MRPL28: variants seen among roughly 807,000 people sequenced by gnomAD.
MRPL28 encodes large ribosomal subunit protein bL28m.
Under a neutral mutation model 26.2 loss-of-function variants are expected in MRPL28, and 25 were observed. The ratio of observed to expected loss-of-function variants is 0.95; its 90% CI spans 0.69 to 1.33. MRPL28 has a LOEUF of 1.33. MRPL28 is among the 40% of genes most tolerant of loss of function. MRPL28 has a pLI of 0.00. For missense variants in MRPL28, 432 were observed against 327.2 expected, an observed-to-expected ratio of 1.32 and a Z score of -2.47; for synonymous variants, 227 against 140.1, an observed-to-expected ratio of 1.62 and a Z score of -4.38.
chr16:368,815 T>A, intron 3 of MRPL28, 180 bp from the exon 4 acceptor site: 1 of 1,107,290 alleles, frequency 9.0e-7, no homozygotes, highest in Non-Finnish European at 1.2e-6. Flanking sequence ...CAAGTCCAAG[T>A]GCAGGGAAAG....
Position 368,545 on chromosome 16 carries a change from G to A in MRPL28, c.532C>T (p.Pro178Ser), listed in dbSNP as rs781778168. ...RLARQDPQLH[P>S]EDPERRAAIY... ...GCTGCCCGCCGCTCGGGGTCCTCGGGGTGCAGCTGGGGGTCCTGCCGGGCA... is the reference window on the plus strand; with the variant it reads ...GCTGCCCGCCGCTCGGGGTCCTCGGAGTGCAGCTGGGGGTCCTGCCGGGCA... The change falls in exon 4 of 6, where the codon CCC becomes TCC. Residue 178 changes from proline to serine, a missense_variant. Physicochemically the swap from Pro to Ser is moderately conservative, Grantham distance 74. Coordinates refer to ENST00000199706, the MANE Select transcript of MRPL28 (RefSeq NM_006428.5). 2.5e-6 allele frequency: 4 copies of A among 1,596,098 alleles called. No individual in the cohort carries two copies. Among genetic ancestry groups the A allele is most frequent in the Non-Finnish European group, 3.4e-6 (4 of 1,169,024 alleles).
Position 370,060 on chromosome 16 carries a change from GT to G in MRPL28, c.158del (p.Asn53ThrfsTer49), listed in dbSNP as rs2054307277. On this transcript the variant is annotated frameshift_variant, in exon 2 of 6. Coordinates refer to ENST00000199706, the MANE Select transcript of MRPL28 (RefSeq NM_006428.5). LOFTEE classifies it high-confidence loss of function. ...CACGCTCCCGCTGCCCGTTCTTGGG[GT>G]TGATCTTGAACTTGGCCCCATGAGG... The part of the protein sequence containing the change: ...YRPHGAKFKI[N>X]PKNGQRERVE... The G allele has an allele frequency of 2.5e-6, 4 of 1,612,840 alleles. No individual in the cohort carries two copies. Among genetic ancestry groups the G allele is most frequent in the African/African-American group, 1.3e-5 (1 of 74,872 alleles).
intron 3 of MRPL28, 33 bp from the exon 4 acceptor site, chr16:368,668 G>A: frequency 6.6e-7 from 1 of 1,523,358 alleles, no homozygotes; most frequent in Non-Finnish European, 8.8e-7. Context: ...CCAGGTGCTG[G>A]TGGCAGGGCC....
At position 368,606 on chromosome 16, in the gene MRPL28, A is replaced by T. The variant is rs2054283782; in HGVS notation, c.471T>A (p.Phe157Leu). 1 of 1,583,036 alleles carries T rather than the reference A, an allele frequency of 6.3e-7. No homozygotes were observed. Among genetic ancestry groups the T allele is most frequent in the Non-Finnish European group, 8.6e-7 (1 of 1,161,338 alleles). Residue 157 changes from phenylalanine to leucine, a missense_variant, in exon 4 of 6, where the codon TTT becomes TTA. Transcript: ENST00000199706. ...KTPKEDLCSK[F>L]GMDLKRGMLL... is the part of the protein sequence containing the mutation. The stretch of plus-strand genomic sequence containing the variant: ...GCATCCCTCGCTTCAGGTCCATCCC[A>T]AACTTGGAGCACAGGTCCTCCTTCG...
At chr16:368,114 C>G (rs1164605746) in intron 5 of MRPL28, among the ~76,000 whole-genome samples, 1 of 152,232 alleles carries the variant, frequency 6.6e-6, no homozygotes, top group African/African-American at 2.4e-5. Context: ...GAACCCACTC[C>G]TCCTACTGAG....
intron 5 of MRPL28, 114 bp downstream of exon 5, chr16:368,214 C>G (rs2054278332): frequency 7.8e-7 from 1 of 1,279,306 alleles, no homozygotes; most frequent in Non-Finnish European, 1.1e-6. Flanking sequence ...AGCTCTTCCC[C>G]AAGCCCACCC....
chr16:367,354 C>A lies in MRPL28; in HGVS notation c.*321G>T. 1.5e-6 allele frequency: 1 copy of A among 647,404 alleles called. No individual in the cohort carries two copies. Among genetic ancestry groups the A allele is most frequent in the Non-Finnish European group, 2.9e-6 (1 of 344,584 alleles). 40.1% of individuals were successfully genotyped at this position (647,404 alleles called of 1,614,324 possible). A position where few individuals can be genotyped will look rare whatever the true frequency, so the allele number is the denominator to read the frequency against. On this transcript the variant is annotated 3_prime_UTR_variant, in exon 6 of 6. Transcript: ENST00000199706. ...GCAGGGGTGACAGGATCAGGATCCCCAAAGAGAACACCAGTCCTCAAAGCA... is the reference window on the plus strand; with the variant it reads ...GCAGGGGTGACAGGATCAGGATCCCAAAAGAGAACACCAGTCCTCAAAGCA...
In MRPL28 at chr16:370,497, A is replaced by C. The variant is rs1263179420; in HGVS notation, c.-8+2T>G. Reference sequence around the variant, plus strand: ...CCCCACACCCCACCTGCCCGCGCCCACCTTTCAGGGTTCAGAGCCCACCGG... The same window carrying C: ...CCCCACACCCCACCTGCCCGCGCCCCCCTTTCAGGGTTCAGAGCCCACCGG... On this transcript the variant is annotated splice_donor_variant, in intron 1 of 5. Transcript: ENST00000199706. LOFTEE classifies it low-confidence loss of function (5UTR_SPLICE). 1 of 825,836 alleles carries C rather than the reference A, an allele frequency of 1.2e-6. No homozygotes were observed. The highest frequency in any genetic ancestry group is 1.3e-6 in the Non-Finnish European group (1 of 753,622). 51.2% of individuals were successfully genotyped at this position (825,836 alleles called of 1,614,324 possible). A position where few individuals can be genotyped will look rare whatever the true frequency, so the allele number is the denominator to read the frequency against.
rs149440376 is a variant in MRPL28, at chr16:370,043, C to G, written c.176G>C (p.Arg59Pro). The change falls in exon 2 of 6, where the codon CGG becomes CCG. Residue 59 changes from arginine to proline, a missense_variant. Physicochemically the swap from Arg to Pro is moderately radical, Grantham distance 103. Transcript: ENST00000199706. ...AATGGGCACGTCCTCCACACGCTCC[C>G]GCTGCCCGTTCTTGGGGTTGATCTT... is the stretch of plus-strand genomic sequence containing the variant. ...KFKINPKNGQ[R>P]ERVEDVPIPI... 641 of 1,613,190 alleles carry G rather than the reference C, an allele frequency of 4.0e-4. No homozygotes were observed. Among genetic ancestry groups the G allele is most frequent in the Middle Eastern group, 2.6e-3 (16 of 6,056 alleles).
chr16:368,759 G>C (rs925652530), intron 3 of MRPL28, 124 bp from the exon 4 acceptor site: 67 of 1,433,256 alleles, frequency 4.7e-5, no homozygotes, highest in Non-Finnish European at 6.2e-5. Flanking sequence ...GGCCCGGGTG[G>C]GGCCGCCTCA....
intron 2 of MRPL28, 147 bp from the exon 3 acceptor site, chr16:369,367 C>T (rs1222753720): frequency 3.7e-6 from 4 of 1,067,352 alleles, no homozygotes; most frequent in Admixed American, 5.0e-5. Flanking sequence ...ACTGGGCCGG[C>T]CCCCAGCCCA....
At chr16:369,720 C>T in intron 2 of MRPL28, 1 of 766,474 alleles carries the variant, frequency 1.3e-6, no homozygotes, top group Admixed American at 2.1e-5. Context: ...GCTCCCCCGG[C>T]CTGAGTCACC....
intron 2 of MRPL28, 139 bp downstream of exon 2, chr16:369,792 T>G: frequency 9.0e-7 from 1 of 1,112,710 alleles, no homozygotes; most frequent in South Asian, 1.5e-5. Flanking sequence ...CTCAGCGTGC[T>G]CCTTTGCCGG....
At chr16:369,714 C>T (rs534514105) in intron 2 of MRPL28, 2 of 753,070 alleles carry the variant, frequency 2.7e-6, no homozygotes, top group East Asian at 5.5e-5. Context: ...CTGGTTGCTC[C>T]CCCGGCCTGA....
At position 369,999 on chromosome 16, in the gene MRPL28, C is replaced by T. The variant is rs757850128; in HGVS notation, c.220G>A (p.Glu74Lys). Residue 74 changes from glutamate (E) to lysine (K), a missense_variant, in exon 2 of 6, where the codon GAA becomes AAA. Transcript: ENST00000199706. ...CCGCCCCACAACCCCCGCTGGGATTCGGGGGGAAAGTAGATGGGAATGGGC... is the reference window on the plus strand; with the variant it reads ...CCGCCCCACAACCCCCGCTGGGATTTGGGGGGAAAGTAGATGGGAATGGGC... The part of the protein sequence containing the change: ...DVPIPIYFPP[E>K]SQRGLWGGEG... The T allele has an allele frequency of 1.6e-5, 26 of 1,612,982 alleles. No homozygotes were observed. The highest frequency in any genetic ancestry group is 2.2e-5 in the East Asian group (1 of 44,904).
chr16:368,436 G>A (rs2141746333), intron 4 of MRPL28, 22 bp from the exon 5 acceptor site: 2 of 1,613,394 alleles, frequency 1.2e-6, no homozygotes, highest in South Asian at 1.1e-5. Flanking sequence ...GAGATGGAAA[G>A]GGCAGTGAGG....
chr16:369,369 C>G (rs2054295269), intron 2 of MRPL28, 149 bp from the exon 3 acceptor site: 1 of 1,041,892 alleles, frequency 9.6e-7, no homozygotes, highest in Non-Finnish European at 1.4e-6. Context: ...TGGGCCGGCC[C>G]CCAGCCCAGT....
At position 367,416 on chromosome 16, in the gene MRPL28, G is replaced by C. The variant is rs760185555; in HGVS notation, c.*259C>G. ...ACACAGCCTGGCCCAGACTTTACTCGCTCCCGGCCCCACGGGCACAAGGAA... is the reference window on the plus strand; with the variant it reads ...ACACAGCCTGGCCCAGACTTTACTCCCTCCCGGCCCCACGGGCACAAGGAA... On this transcript the variant is annotated 3_prime_UTR_variant, in exon 6 of 6. Transcript: ENST00000199706. 4.2e-6 allele frequency: 3 copies of C among 709,972 alleles called. No individual in the cohort carries two copies. In the South Asian group the frequency reaches 4.5e-5, roughly 11 times the overall value. The allele number at this position is 709,972 out of a possible 1,614,324, so 44.0% of individuals were successfully genotyped here.
At position 369,103 on chromosome 16, in the gene MRPL28, C is replaced by G. The variant is rs749118796; in HGVS notation, c.406G>C (p.Asp136His). The G allele has an allele frequency of 1.2e-5, 20 of 1,613,998 alleles. No individual in the cohort carries two copies. Among genetic ancestry groups the G allele is most frequent in the Non-Finnish European group, 1.7e-5 (20 of 1,179,946 alleles). The change falls in exon 3 of 6, where the codon GAT (aspartate) becomes CAT (histidine). Residue 136 changes from aspartate to histidine, a missense_variant. Transcript: ENST00000199706. The part of the protein sequence containing the change: ...TVTMRTLDLI[D>H]EAYGLDFYIL... ...TAAAAGTCGAGCCCATAAGCCTCAT[C>G]GATGAGGTCCAGGGTCCGCATGGTC...
Sources: gnomAD v4.1 joint callset for allele counts (sites outside exome capture counted in the v4.1 genomes callset) on GRCh38, gnomAD v4.1.1 for gene constraint, MANE v1.5 for transcripts, NCBI Gene and HGNC (gene_info 2026-07-23, HGNC 2026-07-21) for gene names.